Variants in HS3ST5 observed in about 807,000 individuals in gnomAD.
HS3ST5 encodes heparan sulfate-glucosamine 3-sulfotransferase 5.
A neutral mutation model predicts 25.4 loss-of-function variants in HS3ST5; 10 were observed. That is an observed-to-expected ratio of 0.39 (90% CI 0.24 to 0.67). The LOEUF is 0.67. Ranked by LOEUF, HS3ST5 falls within the 30% of genes least tolerant of loss-of-function variation. The pLI is 0.44. For missense variants in HS3ST5, 324 were observed against 420.7 expected, an observed-to-expected ratio of 0.77 and a Z score of 2.01; for synonymous variants, 170 against 162.4, an observed-to-expected ratio of 1.05 and a Z score of -0.36.
intron 4 of HS3ST5, among the ~76,000 whole-genome samples, chr6:114,061,025 A>G (rs1773086693): frequency 6.6e-6 from 1 of 152,174 alleles, no homozygotes; most frequent in African/African-American, 2.4e-5. Flanking sequence ...TAAGCCTGTT[A>G]CCTTCAGACA....
At chr6:114,268,107 G>C (rs1203549831) in intron 1 of HS3ST5, among the ~76,000 whole-genome samples, 2 of 152,180 alleles carry the variant, frequency 1.3e-5, no homozygotes, top group South Asian at 2.1e-4. Flanking sequence ...CCCTCCTCTG[G>C]TTCACTGGCC....
In HS3ST5 at chr6:114,324,917, G is replaced by C. The variant is rs557671872; in HGVS notation, c.-339+17278C>G. Among the ~76,000 whole-genome samples, 85 of 152,260 alleles carry C rather than the reference G, an allele frequency of 5.6e-4. 1 individual carries two copies. Among genetic ancestry groups the C allele is most frequent in the African/African-American group, 2.0e-3 (82 of 41,550 alleles). ...GATATTACAGCCTAAGACAACTTTA[G>C]TCCTGTGACTGGTTAATAAAGTACT... On this transcript the variant is annotated intron_variant, in intron 1 of 4. Transcript: ENST00000312719.
chr6:114,319,808 T>C (rs1273633168), intron 1 of HS3ST5, among the ~76,000 whole-genome samples: 8 of 152,156 alleles, frequency 5.3e-5, no homozygotes, highest in Non-Finnish European at 1.2e-4. Flanking sequence ...AAACATACTT[T>C]ATTCCTTTGC....
intron 1 of HS3ST5, among the ~76,000 whole-genome samples, chr6:114,298,749 T>G (rs968197811): frequency 6.6e-6 from 1 of 152,210 alleles, no homozygotes; most frequent in African/African-American, 2.4e-5. Flanking sequence ...CAATTTCTTA[T>G]GCCTGTCTTT....
At chr6:114,076,336 A>G (rs185571464) in intron 3 of HS3ST5, among the ~76,000 whole-genome samples, 36 of 152,336 alleles carry the variant, frequency 2.4e-4, no homozygotes, top group African/African-American at 7.9e-4. Flanking sequence ...CTCTTATTCT[A>G]GGAAAAAATG....
chr6:114,203,562 T>A (rs1399109549), intron 2 of HS3ST5, among the ~76,000 whole-genome samples: 1 of 152,170 alleles, frequency 6.6e-6, no homozygotes, highest in African/African-American at 2.4e-5. Context: ...TTTGAGATAT[T>A]TTTCAGACTT....
At chr6:114,339,841 A>T (rs1220933409) in intron 1 of HS3ST5, among the ~76,000 whole-genome samples, 1 of 152,180 alleles carries the variant, frequency 6.6e-6, no homozygotes, top group Non-Finnish European at 1.5e-5. Flanking sequence ...GCTGGTTAAT[A>T]TCTTATGTGA....
At chr6:114,106,225 AC>A (rs1775986019) in intron 3 of HS3ST5, among the ~76,000 whole-genome samples, 1 of 152,122 alleles carries the variant, frequency 6.6e-6, no homozygotes, top group Non-Finnish European at 1.5e-5. Context: ...GAAATAAATT[AC>A]ATTATCATCC....
At chr6:114,331,869 T>C (rs943857327) in intron 1 of HS3ST5, among the ~76,000 whole-genome samples, 1 of 152,106 alleles carries the variant, frequency 6.6e-6, no homozygotes, top group Non-Finnish European at 1.5e-5. Flanking sequence ...ATTTCATACT[T>C]ATTTCCATTC....
chr6:114,326,050 A>G (rs988549434), intron 1 of HS3ST5, among the ~76,000 whole-genome samples: 1 of 151,436 alleles, frequency 6.6e-6, no homozygotes, highest in Non-Finnish European at 1.5e-5. Context: ...GCAATAATTT[A>G]CTTTCTCACC....
chr6:114,233,396 T>G (rs965412708), intron 1 of HS3ST5, among the ~76,000 whole-genome samples: 24 of 152,138 alleles, frequency 1.6e-4, no homozygotes, highest in African/African-American at 5.8e-4. Context: ...TCTCTCACAA[T>G]GGCTAGTTTA....
intron 3 of HS3ST5, among the ~76,000 whole-genome samples, chr6:114,068,315 T>C (rs1773590446): frequency 6.6e-6 from 1 of 152,236 alleles, no homozygotes; most frequent in South Asian, 2.1e-4. Context: ...TGAGGCTCTC[T>C]AGCAGACAGA....
chr6:114,188,182 T>G (rs2114279390), intron 2 of HS3ST5, among the ~76,000 whole-genome samples: 1 of 152,226 alleles, frequency 6.6e-6, no homozygotes, highest in Non-Finnish European at 1.5e-5. Context: ...GCAGATGCCA[T>G]AGAAGCTGAA....
chr6:114,118,203 A>T (rs1776622415), intron 3 of HS3ST5, among the ~76,000 whole-genome samples: 1 of 152,122 alleles, frequency 6.6e-6, no homozygotes, highest in Admixed American at 6.6e-5. Context: ...TACCATTGAG[A>T]TTCTGAGGGG....
At chr6:114,110,294 G>T (rs1354680434) in intron 3 of HS3ST5, among the ~76,000 whole-genome samples, 3 of 151,886 alleles carry the variant, frequency 2.0e-5, no homozygotes, top group Non-Finnish European at 2.9e-5. Flanking sequence ...TGTCACCACT[G>T]CCATCACAAA....
rs1162685389 is a variant in HS3ST5 at position 114,342,563 on chromosome 6, C to T, written c.-707G>A. Reference sequence around the variant, plus strand: ...GAACCAGGTGCGGCAGGGCGCGCTCCCGTGGCGCGGGCACGGCACGGGCGG... The same window carrying T: ...GAACCAGGTGCGGCAGGGCGCGCTCTCGTGGCGCGGGCACGGCACGGGCGG... On this transcript the variant is annotated 5_prime_UTR_variant, in exon 1 of 5. Coordinates refer to ENST00000312719, the MANE Select transcript of HS3ST5 (RefSeq NM_153612.4). The T allele has an allele frequency of 1.3e-5, 2 of 154,346 alleles. No homozygotes were observed. The highest frequency in any genetic ancestry group is 2.9e-5 in the Non-Finnish European group (2 of 69,178). The allele number at this position is 154,346 out of a possible 1,614,324, so 9.6% of individuals were successfully genotyped here.
intron 1 of HS3ST5, among the ~76,000 whole-genome samples, chr6:114,253,016 T>C (rs1480950979): frequency 6.6e-6 from 1 of 151,956 alleles, no homozygotes; most frequent in East Asian, 1.9e-4. Context: ...TGAGACCCCA[T>C]CTCCACAAAA....
intron 3 of HS3ST5, among the ~76,000 whole-genome samples, chr6:114,140,735 C>A (rs1403278535): frequency 6.6e-6 from 1 of 152,132 alleles, no homozygotes; most frequent in African/African-American, 2.4e-5. Flanking sequence ...GATTGAGCCA[C>A]AAGGGAGAAA....
chr6:114,090,828 CG>C (rs1187329301), intron 3 of HS3ST5, among the ~76,000 whole-genome samples: 5 of 152,280 alleles, frequency 3.3e-5, no homozygotes, highest in African/African-American at 1.2e-4. Context: ...TTAACCTGGA[CG>C]GTGACGTGAA....
Sources: gnomAD v4.1 joint callset for allele counts (sites outside exome capture counted in the v4.1 genomes callset) on GRCh38, gnomAD v4.1.1 for gene constraint, MANE v1.5 for transcripts, NCBI Gene and HGNC (gene_info 2026-07-23, HGNC 2026-07-21) for gene names.